SCARA3: variants seen among roughly 807,000 people sequenced by gnomAD.
SCARA3 encodes the protein cellular stress response gene protein.
SCARA3 carries 39 observed loss-of-function variants against 47.0 expected under a neutral mutation model. The ratio of observed to expected loss-of-function variants is 0.83; its 90% CI spans 0.64 to 1.08. SCARA3 has a LOEUF of 1.08. Among genes scored for constraint, SCARA3 ranks in the 50% least tolerant of loss-of-function variants. SCARA3 has a pLI of 0.00. For synonymous variants in SCARA3, 356 were observed against 334.1 expected (o/e 1.07, Z -0.71); for missense variants, 724 against 792.3 (o/e 0.91, Z 1.04).
At chr8:27,693,017 T>C in the SCARA3 span, among the ~76,000 whole-genome samples, 4 of 151,060 alleles carry the variant, frequency 2.6e-5, no homozygotes, top group Admixed American at 2.0e-4. Context: ...TCCCAGCAAG[T>C]TGGGAGGCTG....
chr8:27,649,876 G>GACAA, intron 2 of SCARA3, 76 bp downstream of exon 2: 1 of 1,310,322 alleles, frequency 7.6e-7, no homozygotes, highest in Non-Finnish European at 1.1e-6. Context: ...GCCAGTGAGA[G>GACAA]ATTTGTCTCT....
In SCARA3 at chr8:27,659,243, G is replaced by A; in HGVS notation, c.1073G>A (p.Gly358Asp). 1 of 1,614,136 alleles carries A rather than the reference G, an allele frequency of 6.2e-7. No individual in the cohort carries two copies. Among genetic ancestry groups the A allele is most frequent in the Non-Finnish European group, 8.5e-7 (1 of 1,180,022 alleles). The change falls in exon 5 of 6, where the codon GGC becomes GAC. Residue 358 changes from glycine to aspartate, a missense_variant. Coordinates refer to ENST00000301904, the MANE Select transcript of SCARA3 (RefSeq NM_016240.3). ...ATGGCTTCTCACGAGATTGAAATTG[G>A]CACCATCTTCACCAACATCAATGCC... ...GRMASHEIEI[G>D]TIFTNINATD...
the SCARA3 span, among the ~76,000 whole-genome samples, chr8:27,700,288 AC>A: frequency 1.3e-5 from 2 of 152,190 alleles, no homozygotes; most frequent in African/African-American, 4.8e-5. Flanking sequence ...CTTTCAGGAT[AC>A]ATAAAGAACT....
chr8:27,728,708 A>T, the SCARA3 span, among the ~76,000 whole-genome samples: 1 of 152,222 alleles, frequency 6.6e-6, no homozygotes, highest in East Asian at 1.9e-4. Flanking sequence ...TCATATGTAA[A>T]GGGAAATTGT....
At chr8:27,704,962 A>C in the SCARA3 span, among the ~76,000 whole-genome samples, 1 of 152,166 alleles carries the variant, frequency 6.6e-6, no homozygotes, top group Non-Finnish European at 1.5e-5. Flanking sequence ...TTGCTTCAGA[A>C]GCTGCAAAAT....
the SCARA3 span, among the ~76,000 whole-genome samples, chr8:27,684,062 T>A: frequency 6.6e-6 from 1 of 152,184 alleles, no homozygotes; most frequent in Non-Finnish European, 1.5e-5. Flanking sequence ...GAGCAAGAGC[T>A]GATAGAAAAA....
rs150404529 is a variant in SCARA3 at position 27,662,170 on chromosome 8, G to T, written c.1369+2631G>T. Among the ~76,000 whole-genome samples the T allele has an allele frequency of 2.8e-4, 43 of 152,224 alleles. No individual in the cohort carries two copies. In the East Asian group the frequency reaches 8.3e-3, roughly 29 times the overall value. ...ACAGGAAGTAAAAATTTTCTAGTGG[G>T]TCACCAGTATAAGAATAAAAGTGCC... On this transcript the variant is annotated intron_variant, in intron 5 of 5. Coordinates refer to ENST00000301904, the MANE Select transcript of SCARA3 (RefSeq NM_016240.3).
intron 5 of SCARA3, among the ~76,000 whole-genome samples, chr8:27,662,603 G>C (rs1278294256): frequency 6.6e-6 from 1 of 152,204 alleles, no homozygotes; most frequent in Admixed American, 6.5e-5. Context: ...GTCTATTCTG[G>C]TAAAAATATT....
chr8:27,644,817 C>A (rs190340986), intron 1 of SCARA3, among the ~76,000 whole-genome samples: 3 of 152,250 alleles, frequency 2.0e-5, no homozygotes, highest in Admixed American at 2.0e-4. Context: ...TCCTACATTT[C>A]TTTATACATG....
At chr8:27,649,122 G>A (rs960625436) in intron 1 of SCARA3, among the ~76,000 whole-genome samples, 10 of 152,164 alleles carry the variant, frequency 6.6e-5, no homozygotes, top group East Asian at 1.9e-4. Flanking sequence ...AATAAGCACC[G>A]AATCAAACTC....
the SCARA3 span, among the ~76,000 whole-genome samples, chr8:27,706,772 G>C: frequency 6.6e-6 from 1 of 152,136 alleles, no homozygotes; most frequent in South Asian, 2.1e-4. Context: ...TTGGAGGTGG[G>C]AGGAGTCGGG....
At chr8:27,730,022 G>A in the SCARA3 span, among the ~76,000 whole-genome samples, 6 of 152,110 alleles carry the variant, frequency 3.9e-5, no homozygotes, top group South Asian at 1.2e-3. Context: ...TGGGCGTGGG[G>A]AGAGGATCAA....
chr8:27,709,147 T>C, the SCARA3 span, among the ~76,000 whole-genome samples: 1 of 152,208 alleles, frequency 6.6e-6, no homozygotes, highest in Non-Finnish European at 1.5e-5. Flanking sequence ...ATGAACATAG[T>C]CTTCAGAGAA....
intron 4 of SCARA3, among the ~76,000 whole-genome samples, chr8:27,657,851 T>TCAG (rs1319610586): frequency 6.6e-6 from 1 of 152,122 alleles, no homozygotes; most frequent in Non-Finnish European, 1.5e-5. Flanking sequence ...CTACATGTAT[T>TCAG]CAGTCTTGCT....
the SCARA3 span, among the ~76,000 whole-genome samples, chr8:27,682,051 T>C: frequency 6.6e-6 from 1 of 152,272 alleles, no homozygotes; most frequent in South Asian, 2.1e-4. Context: ...ATAAAGATAT[T>C]ATAATCAAGA....
chr8:27,696,114 ATCC>A, the SCARA3 span, among the ~76,000 whole-genome samples: 317 of 152,012 alleles, frequency 2.1e-3, 1 homozygote, highest in Non-Finnish European at 3.2e-3. Flanking sequence ...GGCTCAAGCA[ATCC>A]TCCTGCCCCA....
chr8:27,697,920 G>C, the SCARA3 span, among the ~76,000 whole-genome samples: 3 of 152,054 alleles, frequency 2.0e-5, no homozygotes, highest in African/African-American at 7.2e-5. Flanking sequence ...TAAATTACCC[G>C]TCTTGGGTAT....
chr8:27,637,176 C>T (rs556271850), intron 1 of SCARA3, among the ~76,000 whole-genome samples: 1 of 152,362 alleles, frequency 6.6e-6, no homozygotes, highest in Admixed American at 6.5e-5. Flanking sequence ...ACTCTGCCAG[C>T]CAAGCCATTT....
chr8:27,649,224 A>G (rs553809), intron 1 of SCARA3, among the ~76,000 whole-genome samples: 28,967 of 152,004 alleles, frequency 0.19, 3,231 homozygotes, highest in Middle Eastern at 0.33. Flanking sequence ...CCATCCTGTC[A>G]TCTCCTCCTC....
Sources: allele counts gnomAD v4.1 joint callset (sites outside exome capture counted in the v4.1 genomes callset), GRCh38; gene constraint gnomAD v4.1.1; transcripts MANE v1.5; gene names NCBI Gene and HGNC (gene_info 2026-07-23, HGNC 2026-07-21).